KCNN1: variants seen among roughly 807,000 people sequenced by gnomAD.
The protein encoded by KCNN1 is potassium calcium-activated channel subfamily N member 1, also known as small conductance calcium-activated potassium channel protein 1.
KCNN1 carries 20 observed loss-of-function variants against 44.7 expected under a neutral mutation model. The observed-to-expected ratio is 0.45, with a 90% CI of 0.32 to 0.65. The LOEUF (loss-of-function observed/expected upper bound fraction) is 0.65, where lower values mean the gene tolerates loss of function less well. Ranked by LOEUF, KCNN1 falls within the 30% of genes least tolerant of loss-of-function variation. The probability of loss-of-function intolerance (pLI) is 0.05; values close to 1 mark genes in which losing one functional copy is unlikely to be tolerated. For missense variants in KCNN1, 632 were observed against 785.3 expected, an observed-to-expected ratio of 0.80 and a Z score of 2.33; for synonymous variants, 324 against 341.7, an observed-to-expected ratio of 0.95 and a Z score of 0.57.
At chr19:17,990,049 A>G (rs976550470) in intron 7 of KCNN1, 1 of 713,276 alleles carries the variant, frequency 1.4e-6, no homozygotes, top group African/African-American at 1.7e-5. Flanking sequence ...ACGACTCAGT[A>G]AGTGGCAGGA....
intron 9 of KCNN1, among the ~76,000 whole-genome samples, chr19:17,995,871 C>T (rs947746474): frequency 2.0e-5 from 3 of 152,144 alleles, no homozygotes; most frequent in Non-Finnish European, 4.4e-5. Context: ...CAGGCATAAG[C>T]CACTGTGCCC....
upstream of KCNN1, among the ~76,000 whole-genome samples, chr19:17,966,051 TCCTTCCTTCCTTC>T (rs2031801200): frequency 6.6e-6 from 1 of 151,006 alleles, no homozygotes; most frequent in African/African-American, 2.4e-5. Flanking sequence ...CTTCCTTCCT[TCCTTCCTTCCTTC>T]CTTCCTTCCT....
chr19:17,964,640 C>A (rs935407306), upstream of KCNN1, among the ~76,000 whole-genome samples: 4 of 152,174 alleles, frequency 2.6e-5, no homozygotes, highest in African/African-American at 9.7e-5. The surrounding 1 kb of genome is among the most constrained non-coding windows in gnomAD (Gnocchi z 4.3). Context: ...ACCCAGACAG[C>A]CCCCACCAGA....
intron 1 of KCNN1, among the ~76,000 whole-genome samples, chr19:17,952,499 G>A (rs1046434608): frequency 6.6e-6 from 1 of 152,128 alleles, no homozygotes; most frequent in Non-Finnish European, 1.5e-5. Context: ...CTCCAACACC[G>A]ATCCCGGGAG....
chr19:17,980,013 G>A (rs1250449486), intron 3 of KCNN1, among the ~76,000 whole-genome samples: 1 of 151,532 alleles, frequency 6.6e-6, no homozygotes, highest in Non-Finnish European at 1.5e-5. Context: ...GCCAGCCTGG[G>A]CAACAGAGCG....
rs866414331 is a variant in KCNN1 at position 17,951,900 on chromosome 19, C to T, written c.-203+491C>T. On this transcript the variant is annotated intron_variant, in intron 1 of 10. Coordinates refer to the KCNN1 transcript ENST00000222249. The stretch of plus-strand genomic sequence containing the variant: ...GCAGCCCTGTTCCGTGCTGCTGGGA[C>T]ACTGGGCCCTGGCCAGGGGCTTCCG... Among the ~76,000 whole-genome samples the T allele has an allele frequency of 1.3e-5, 2 of 152,240 alleles. 1 individual carries two copies. The highest frequency in any genetic ancestry group is 4.1e-4 in the South Asian group (2 of 4,838).
Position 17,974,228 on chromosome 19 carries a change from G to A in KCNN1, c.340G>A (p.Gly114Ser), listed in dbSNP as rs752968480. The A allele has an allele frequency of 3.7e-6, 6 of 1,610,346 alleles. No individual in the cohort carries two copies. The highest frequency in any genetic ancestry group is 3.3e-5 in the South Asian group (3 of 90,900). ...CCTCAGCGACTATGCCCTCATTTTC[G>A]GCATGTTTGGCATCGTCGTCATGGT... ...KRLSDYALIF[G>S]MFGIVVMVTE... Residue 114 changes from glycine to serine, a missense_variant, in exon 2 of 10, where the codon GGC (glycine) becomes AGC (serine). Gly to Ser is a moderately conservative substitution (Grantham distance 56, BLOSUM62 0). Around this residue, in one of 3 missense-constraint regions of KCNN1, gnomAD observed 235 missense variants for 224.0 expected, o/e 1.05. Transcript: ENST00000684775. This position sits in a 1 kb window ranked among gnomAD's most constrained non-coding sequence, Gnocchi z 7.3.
chr19:17,997,799 T>C (rs1293180756), intron 9 of KCNN1, among the ~76,000 whole-genome samples: 1 of 151,704 alleles, frequency 6.6e-6, no homozygotes, highest in Non-Finnish European at 1.5e-5. Flanking sequence ...ATTTAAGACC[T>C]GTCTTTTAGG....
intron 2 of KCNN1, among the ~76,000 whole-genome samples, chr19:17,955,992 T>TGC (rs2031535774): frequency 6.6e-6 from 1 of 152,012 alleles, no homozygotes; most frequent in Non-Finnish European, 1.5e-5. Flanking sequence ...CGCAGTGGCA[T>TGC]GATCTTGGCT....
At chr19:17,955,931 T>TTTTG (rs924991963) in intron 2 of KCNN1, among the ~76,000 whole-genome samples, 2 of 151,918 alleles carry the variant, frequency 1.3e-5, no homozygotes, top group Admixed American at 6.6e-5. Flanking sequence ...TTTTGTTTTG[T>TTTTG]TTTGTTTGTT....
At chr19:17,965,837 C>T (rs1599347978), upstream of KCNN1, among the ~76,000 whole-genome samples, 1 of 152,136 alleles carries the variant, frequency 6.6e-6, no homozygotes, top group African/African-American at 2.4e-5. Context: ...GGCATTGTCA[C>T]CACGGCCGGG....
At chr19:17,980,965 C>T (rs1018448038) in intron 3 of KCNN1, among the ~76,000 whole-genome samples, 3 of 152,038 alleles carry the variant, frequency 2.0e-5, no homozygotes, top group African/African-American at 7.2e-5. Flanking sequence ...ACGTGTAATC[C>T]CAGCACTTTG....
rs1036068774 is a variant in KCNN1 at position 17,985,178 on chromosome 19, C to A, written c.918-134C>A. 22 of 785,036 alleles carry A rather than the reference C, an allele frequency of 2.8e-5. No homozygotes were observed. The East Asian group carries it at 5.9e-4, about 21-fold the overall frequency. 48.6% of individuals were successfully genotyped at this position (785,036 alleles called of 1,614,324 possible). A position where few individuals can be genotyped will look rare whatever the true frequency, so the allele number is the denominator to read the frequency against. On this transcript the variant is annotated intron_variant, in intron 4 of 9. Transcript: ENST00000684775. ...GGGGAGAGGGTGCGCCTGTCCTGTA[C>A]CCACAGGACATAGCCCCAACGCAGC...
At position 17,983,798 on chromosome 19, in the gene KCNN1, C is replaced by T. The variant is rs1186801901; in HGVS notation, c.918-1514C>T. Among the ~76,000 whole-genome samples, 14 of 151,830 alleles carry T rather than the reference C, an allele frequency of 9.2e-5. No homozygotes were observed. Among genetic ancestry groups the T allele is most frequent in the Non-Finnish European group, 1.9e-4 (13 of 67,940 alleles). On this transcript the variant is annotated intron_variant, in intron 4 of 9. Transcript: ENST00000684775. This position sits in a 1 kb window ranked among gnomAD's most constrained non-coding sequence, Gnocchi z 4.5. The stretch of plus-strand genomic sequence containing the variant: ...GCTCACCCACCCACCGACTAGAGGG[C>T]ACCCCCCCGCCCCTCCTGCCCTCTG...
intron 4 of KCNN1, among the ~76,000 whole-genome samples, chr19:17,984,735 A>AGC (rs1294049974): frequency 6.6e-6 from 1 of 152,020 alleles, no homozygotes; most frequent in Non-Finnish European, 1.5e-5. Flanking sequence ...CTGGGTCCCA[A>AGC]ATATAGCCCC....
intron 1 of KCNN1, among the ~76,000 whole-genome samples, chr19:17,951,702 C>T (rs2031412549): frequency 6.6e-6 from 1 of 152,174 alleles, no homozygotes. Context: ...ACCCAGGCTC[C>T]CCCTTCCTAG....
chr19:17,985,220 C>T (rs1374512744), intron 4 of KCNN1, 92 bp from the exon 5 acceptor site: 2 of 1,304,024 alleles, frequency 1.5e-6, no homozygotes, highest in Non-Finnish European at 2.1e-6. Flanking sequence ...GACTCAGGGC[C>T]CTCCAGCCCT....
intron 7 of KCNN1, chr19:17,990,162 C>A: frequency 2.0e-6 from 1 of 502,442 alleles, no homozygotes; most frequent in South Asian, 1.6e-5. Context: ...ATAGTTAAAT[C>A]CATGGTCTGA....
rs965780501 is a variant in KCNN1 at position 17,974,839 on chromosome 19, C to T, written c.403-253C>T. On this transcript the variant is annotated intron_variant, in intron 2 of 9. Coordinates refer to ENST00000684775, the MANE Select transcript of KCNN1 (RefSeq NM_001386974.1). This position sits in a 1 kb window ranked among gnomAD's most constrained non-coding sequence, Gnocchi z 7.3. ...GACACATCTTGCTGTCAGCCCAGTC[C>T]CCAGGAATAAGGACAGGAGAGCACC... Among the ~76,000 whole-genome samples the T allele has an allele frequency of 7.2e-5, 11 of 152,180 alleles. No homozygotes were observed. Among genetic ancestry groups the T allele is most frequent in the African/African-American group, 2.7e-4 (11 of 41,430 alleles).
Sources: allele counts gnomAD v4.1 joint callset (sites outside exome capture counted in the v4.1 genomes callset), GRCh38; gene constraint gnomAD v4.1.1; regional missense constraint gnomAD v4.1.1; non-coding constraint Gnocchi (gnomAD v3.1); transcripts MANE v1.5; gene names NCBI Gene and HGNC (gene_info 2026-07-23, HGNC 2026-07-21).